PLEKHG7: variants seen among roughly 807,000 people sequenced by gnomAD.
PLEKHG7 encodes pleckstrin homology domain-containing family G member 7.
In PLEKHG7, 77 loss-of-function variants were observed where a neutral mutation model predicts 85.2. The observed-to-expected ratio is 0.90, with a 90% CI of 0.75 to 1.09. The LOEUF (loss-of-function observed/expected upper bound fraction) is 1.09, where lower values mean the gene tolerates loss of function less well. Among genes scored for constraint, PLEKHG7 ranks in the 50% least tolerant of loss-of-function variants. The pLI, the probability that PLEKHG7 is intolerant of heterozygous loss-of-function variation, is 0.00. For synonymous variants in PLEKHG7, 301 were observed against 302.4 expected (o/e 1.00, Z 0.05); for missense variants, 777 against 804.3 (o/e 0.97, Z 0.41).
chr12:92,715,255 C>T (rs958575929), intron 3 of PLEKHG7, among the ~76,000 whole-genome samples: 2 of 152,242 alleles, frequency 1.3e-5, no homozygotes, highest in Non-Finnish European at 2.9e-5. Flanking sequence ...CAGATCTTCA[C>T]GTTTTTCTGC....
chr12:92,760,973 C>T (rs1262333675), intron 13 of PLEKHG7, among the ~76,000 whole-genome samples: 1 of 152,252 alleles, frequency 6.6e-6, no homozygotes, highest in South Asian at 2.1e-4. Flanking sequence ...AGTCCCAGGC[C>T]AAGGTGATGG....
At position 92,736,506 on chromosome 12, in the gene PLEKHG7, T is replaced by A; in HGVS notation, c.724T>A (p.Ser242Thr). ...GGGCAAAGACAAACACAAGCACATATCTGATCTGGAAAACTGCCTGTCCTC... is the reference window on the plus strand; with the variant it reads ...GGGCAAAGACAAACACAAGCACATAACTGATCTGGAAAACTGCCTGTCCTC... ...GVGKDKHKHI[S>T]DLENCLSSVK... The change falls in exon 6 of 17, where the codon TCT becomes ACT. Residue 242 changes from serine to threonine, a missense_variant. Ser to Thr is a moderately conservative substitution (Grantham distance 58). This residue lies in a region of PLEKHG7 where 520 missense variants were observed against 544.0 expected (regional missense o/e 0.96). Coordinates refer to ENST00000344636, the MANE Select transcript of PLEKHG7 (RefSeq NM_001377329.1). 1 of 1,231,948 alleles carries A rather than the reference T, an allele frequency of 8.1e-7. No homozygotes were observed. Among genetic ancestry groups the A allele is most frequent in the Non-Finnish European group, 1.0e-6 (1 of 987,784 alleles). The allele number at this position is 1,231,948 out of a possible 1,614,324, so 76.3% of individuals were successfully genotyped here. A position where few individuals can be genotyped will look rare whatever the true frequency, so the allele number is the denominator to read the frequency against.
In PLEKHG7 at chr12:92,761,659, A is replaced by AAAG. The variant is rs1873027625; in HGVS notation, c.1637-90_1637-88dup. 4.6e-6 allele frequency: 6 copies of AAAG among 1,316,750 alleles called. No individual in the cohort carries two copies. The African/African-American group carries it at 6.5e-5, about 14-fold the overall frequency. 81.6% of individuals were successfully genotyped at this position (1,316,750 alleles called of 1,614,324 possible). A position where few individuals can be genotyped will look rare whatever the true frequency, so the allele number is the denominator to read the frequency against. The stretch of plus-strand genomic sequence containing the variant: ...GAAAGAAAGAAAGAAAGAAAGAAAG[A>AAAG]AAGAAAGAAAGAAAGAAAGAAAGAA... On this transcript the variant is annotated intron_variant, in intron 13 of 16. Transcript: ENST00000344636.
intron 5 of PLEKHG7, among the ~76,000 whole-genome samples, chr12:92,736,254 TGGACAAG>T (rs552818363): frequency 3.9e-5 from 6 of 152,198 alleles, no homozygotes; most frequent in South Asian, 4.2e-4. Context: ...ATGAGAGGTT[TGGACAAG>T]GTAGTCTCAC....
At chr12:92,704,236 G>A (rs1381786178) in intron 1 of PLEKHG7, among the ~76,000 whole-genome samples, 1 of 151,866 alleles carries the variant, frequency 6.6e-6, no homozygotes, top group Non-Finnish European at 1.5e-5. Context: ...CACTCAGCCT[G>A]GGCGACAGAG....
chr12:92,741,762 C>A (rs1364305274), intron 9 of PLEKHG7, among the ~76,000 whole-genome samples, 170 bp downstream of exon 9: 1 of 152,220 alleles, frequency 6.6e-6, no homozygotes, highest in Non-Finnish European at 1.5e-5. Flanking sequence ...AAATAACTTG[C>A]AGATTCTGTT....
chr12:92,727,485 C>T (rs1160989535), intron 3 of PLEKHG7, among the ~76,000 whole-genome samples: 1 of 152,068 alleles, frequency 6.6e-6, no homozygotes, highest in Non-Finnish European at 1.5e-5. Flanking sequence ...TGTATAGTGC[C>T]CACTTATAAG....
intron 9 of PLEKHG7, among the ~76,000 whole-genome samples, chr12:92,744,242 A>G (rs1411669164): frequency 6.6e-6 from 1 of 152,224 alleles, no homozygotes; most frequent in Non-Finnish European, 1.5e-5. Context: ...AAATTCCTTA[A>G]TGCAGCCCAT....
rs966822623 is a variant in PLEKHG7, at chr12:92,745,466, C to T, written c.1138-12C>T. 6.4e-6 allele frequency: 10 copies of T among 1,569,678 alleles called. No homozygotes were observed. In the South Asian group the frequency reaches 8.9e-5, roughly 14 times the overall value. ...TTGTGTTCATCCTCCTTCTGCTCTT[C>T]CTTTCTTGCAGTATTTCCGAGGGAG... On this transcript the variant is annotated splice_polypyrimidine_tract_variant and intron_variant, in intron 9 of 16. Transcript: ENST00000344636.
chr12:92,734,995 G>C (rs1872097376), intron 5 of PLEKHG7, among the ~76,000 whole-genome samples: 1 of 152,148 alleles, frequency 6.6e-6, no homozygotes, highest in South Asian at 2.1e-4. Flanking sequence ...GAGTTAATGT[G>C]ACCACTGGGA....
rs753237035 is a variant in PLEKHG7 at position 92,706,652 on chromosome 12, CT to C, written c.22del (p.Cys8ValfsTer17). 1 of 1,610,658 alleles carries C rather than the reference CT, an allele frequency of 6.2e-7. No individual in the cohort carries two copies. The highest frequency in any genetic ancestry group is 8.5e-7 in the Non-Finnish European group (1 of 1,178,700). MEKTESF[C>X]PEVPPQDCGA... ...GCTTTATGGAGAAAACAGAGTCATT[CT>C]GTCCAGAGGTGCCACCCCAAGACTG... is the stretch of plus-strand genomic sequence containing the variant. On this transcript the variant is annotated frameshift_variant, in exon 2 of 17. Coordinates refer to ENST00000344636, the MANE Select transcript of PLEKHG7 (RefSeq NM_001377329.1). LOFTEE classifies it high-confidence loss of function.
At chr12:92,740,990 G>T (rs1441549935) in intron 8 of PLEKHG7, 42 bp downstream of exon 8, 1 of 1,398,156 alleles carries the variant, frequency 7.2e-7, no homozygotes, top group Non-Finnish European at 1.0e-6. Context: ...ATTCACTAGA[G>T]GACCATGAAA....
intron 10 of PLEKHG7, among the ~76,000 whole-genome samples, chr12:92,749,971 ATT>A (rs1872644955): frequency 1.4e-5 from 1 of 73,816 alleles, no homozygotes; most frequent in Non-Finnish European, 2.8e-5. Flanking sequence ...TTTATTTTAT[ATT>A]TTATTTTATT....
At chr12:92,719,496 G>A (rs1209700212) in intron 3 of PLEKHG7, among the ~76,000 whole-genome samples, 4 of 152,176 alleles carry the variant, frequency 2.6e-5, no homozygotes, top group African/African-American at 9.7e-5. Context: ...GATGAATAGG[G>A]CCTGATAAGG....
chr12:92,724,267 T>C (rs1871732835), intron 3 of PLEKHG7, among the ~76,000 whole-genome samples: 1 of 152,210 alleles, frequency 6.6e-6, no homozygotes. Flanking sequence ...GGTAGAATTA[T>C]GTTTCTCATT....
chr12:92,716,080 T>C (rs948525945), intron 3 of PLEKHG7, among the ~76,000 whole-genome samples: 9 of 150,326 alleles, frequency 6.0e-5, no homozygotes, highest in Middle Eastern at 3.4e-3. Context: ...GTTTTGGGGT[T>C]TTTTTGTTTT....
chr12:92,753,644 C>T (rs1040396803), intron 10 of PLEKHG7, among the ~76,000 whole-genome samples: 6 of 152,138 alleles, frequency 3.9e-5, no homozygotes, highest in Admixed American at 2.0e-4. Flanking sequence ...TCTTCATTTT[C>T]GATCATTACC....
chr12:92,742,493 G>A (rs7486893), intron 9 of PLEKHG7, among the ~76,000 whole-genome samples: 1 of 151,586 alleles, frequency 6.6e-6, no homozygotes. Flanking sequence ...GAAGAAGGAA[G>A]AGTTTTAACA....
chr12:92,720,323 C>CTTT (rs36081838), intron 3 of PLEKHG7, among the ~76,000 whole-genome samples: 3 of 146,850 alleles, frequency 2.0e-5, no homozygotes, highest in Admixed American at 6.7e-5. Context: ...CTCTTAGTGT[C>CTTT]TTTTTTTTTT....
Sources: allele counts gnomAD v4.1 joint callset (sites outside exome capture counted in the v4.1 genomes callset), GRCh38; gene constraint gnomAD v4.1.1; regional missense constraint gnomAD v4.1.1; transcripts MANE v1.5; gene names NCBI Gene and HGNC (gene_info 2026-07-23, HGNC 2026-07-21).